ANKRD36: variants seen among roughly 807,000 people sequenced by gnomAD.
ANKRD36 encodes ankyrin repeat domain 36, also known as ankyrin repeat domain-containing protein 36A.
In ANKRD36, 179 loss-of-function variants were observed where a neutral mutation model predicts 278.1. That is an observed-to-expected ratio of 0.64 (90% confidence interval 0.57 to 0.73). ANKRD36 has a LOEUF of 0.73. Ranked by LOEUF, ANKRD36 falls within the 30% of genes least tolerant of loss-of-function variation. The probability of loss-of-function intolerance (pLI) is 0.00; values close to 1 mark genes in which losing one functional copy is unlikely to be tolerated. For synonymous variants in ANKRD36, 320 were observed against 641.1 expected, an observed-to-expected ratio of 0.50 and a Z score of 7.57; for missense variants, 1,159 against 1,956.7, an observed-to-expected ratio of 0.59 and a Z score of 7.69.
intron 34 of ANKRD36, among the ~76,000 whole-genome samples, chr2:97,190,535 T>C (rs1403154140): frequency 1.3e-5 from 2 of 150,412 alleles, no homozygotes; most frequent in Non-Finnish European, 3.0e-5. Flanking sequence ...TTCTCAGTTA[T>C]TGGGCAAGTT....
chr2:97,130,244 C>T (rs538283077), intron 6 of ANKRD36, among the ~76,000 whole-genome samples: 1 of 152,060 alleles, frequency 6.6e-6, no homozygotes, highest in South Asian at 2.1e-4. Context: ...GGCACATATA[C>T]ACCATGGGAT....
At chr2:97,199,047 A>G (rs1428613762) in intron 44 of ANKRD36, among the ~76,000 whole-genome samples, 2 of 151,928 alleles carry the variant, frequency 1.3e-5, no homozygotes, top group Admixed American at 6.6e-5. Flanking sequence ...TTGTTGTAAC[A>G]ACCCGTAGAC....
Position 97,187,108 on chromosome 2 carries a change from C to T in ANKRD36, c.2042-90C>T, listed in dbSNP as rs548642850. The T allele has an allele frequency of 9.0e-5, 142 of 1,574,058 alleles. 5 individuals are homozygous for T. In the South Asian group the frequency reaches 1.2e-3, roughly 14 times the overall value. Reference sequence around the variant, plus strand: ...CAAAGCCTACACTAATACAGGCAGGCGGATACAGCTTGATGCTAACACCGC... The same window carrying T: ...CAAAGCCTACACTAATACAGGCAGGTGGATACAGCTTGATGCTAACACCGC... On this transcript the variant is annotated intron_variant, in intron 30 of 75. Transcript: ENST00000420699.
chr2:97,217,425 A>C, intron 64 of ANKRD36, 53 bp downstream of exon 64: 1 of 1,548,090 alleles, frequency 6.5e-7, no homozygotes. Context: ...AGAAGACAAC[A>C]TCCCACCCCT....
intron 1 of ANKRD36, among the ~76,000 whole-genome samples, chr2:97,114,877 C>T (rs541686639): frequency 3.3e-5 from 5 of 151,974 alleles, no homozygotes; most frequent in African/African-American, 1.2e-4. Flanking sequence ...TTTTGAATTA[C>T]TCATGCTGTC....
Position 97,206,045 on chromosome 2 carries a change from G to A in ANKRD36, c.3091-18G>A, listed in dbSNP as rs755379178. On this transcript the variant is annotated intron_variant, in intron 51 of 75. Coordinates refer to ENST00000420699, the MANE Select transcript of ANKRD36 (RefSeq NM_001354587.1). ...ACATACTTTATTTATTTATTATTTT[G>A]TTTCAAATTCCATTCAGGCTACAAG... 4 of 1,547,136 alleles carry A rather than the reference G, an allele frequency of 2.6e-6. No homozygotes were observed. In the African/African-American group the frequency reaches 5.5e-5, roughly 21 times the overall value.
rs1219485995 is a variant in ANKRD36 at position 97,144,761 on chromosome 2, C to G, written c.1003+49C>G. On this transcript the variant is annotated intron_variant, in intron 10 of 75. Coordinates refer to ENST00000420699, the MANE Select transcript of ANKRD36 (RefSeq NM_001354587.1). ...TGCCATGTACAGTCAAGATAGAGAA[C>G]TTCCCTTCCCCAAATAAATCAGCAG... The G allele has an allele frequency of 6.5e-6, 10 of 1,532,450 alleles. No homozygotes were observed. In the East Asian group the frequency reaches 7.3e-5, roughly 11 times the overall value. The allele number at this position is 1,532,450 out of a possible 1,614,324, so 94.9% of individuals were successfully genotyped here.
intron 54 of ANKRD36, among the ~76,000 whole-genome samples, chr2:97,208,612 C>T (rs2063510813): frequency 6.8e-6 from 1 of 146,304 alleles, no homozygotes; most frequent in Admixed American, 6.8e-5. Context: ...CTACTGGAAG[C>T]AGGAAACAGT....
rs201655336 is a variant in ANKRD36, at chr2:97,113,736, G to A, written c.-4G>A. 108 of 1,609,330 alleles carry A rather than the reference G, an allele frequency of 6.7e-5. No homozygotes were observed. Among genetic ancestry groups the A allele is most frequent in the Non-Finnish European group, 8.7e-5 (103 of 1,178,218 alleles). ...CTGCAGGCTACAATTTGCAGCCGACGATTATGGAAGACGGCAAGCGGGAGA... is the reference window on the plus strand; with the variant it reads ...CTGCAGGCTACAATTTGCAGCCGACAATTATGGAAGACGGCAAGCGGGAGA... On this transcript the variant is annotated 5_prime_UTR_variant, in exon 1 of 76. Coordinates refer to ENST00000420699, the MANE Select transcript of ANKRD36 (RefSeq NM_001354587.1).
Position 97,202,416 on chromosome 2 carries a change from T to C in ANKRD36, c.2959+23T>C. 2.6e-6 allele frequency: 4 copies of C among 1,544,702 alleles called. No homozygotes were observed. The South Asian group carries it at 4.8e-5, about 18-fold the overall frequency. ...CAGGTAATTTTGAAAACAGATTTAA[T>C]GTCATGTTCAGTCCAGGTAGATAAG... On this transcript the variant is annotated intron_variant, in intron 48 of 75. Coordinates refer to ENST00000420699, the MANE Select transcript of ANKRD36 (RefSeq NM_001354587.1).
At chr2:97,247,944 GT>G (rs1372533340) in intron 72 of ANKRD36, 7 of 121,074 alleles carry the variant, frequency 5.8e-5, no homozygotes, top group African/African-American at 9.4e-5. Context: ...AGTTGAGAGA[GT>G]TTTTTTTTCC....
At chr2:97,147,054 G>GT (rs748934148) in intron 11 of ANKRD36, among the ~76,000 whole-genome samples, 5 of 151,718 alleles carry the variant, frequency 3.3e-5, no homozygotes, top group Non-Finnish European at 7.4e-5. Flanking sequence ...CCACAAGACC[G>GT]TAAGTTTTTT....
intron 20 of ANKRD36, among the ~76,000 whole-genome samples, chr2:97,166,909 G>T (rs1415536155): frequency 6.6e-6 from 1 of 151,926 alleles, no homozygotes. Flanking sequence ...AAGTTTTAGG[G>T]TACATGTGCA....
At chr2:97,169,925 T>G (rs995634527) in intron 22 of ANKRD36, among the ~76,000 whole-genome samples, 1 of 152,156 alleles carries the variant, frequency 6.6e-6, no homozygotes, top group Non-Finnish European at 1.5e-5. Context: ...AAAAAACTAC[T>G]GGAAATTTCA....
chr2:97,170,854 GA>G (rs1244652741), intron 22 of ANKRD36, among the ~76,000 whole-genome samples: 4 of 149,080 alleles, frequency 2.7e-5, no homozygotes, highest in African/African-American at 9.9e-5. Flanking sequence ...AAATTTACAA[GA>G]AAAAAACAAA....
rs1384662611 is a variant in ANKRD36, at chr2:97,224,391, C to T, written c.3878-415C>T. On this transcript the variant is annotated intron_variant, in intron 66 of 75. Transcript: ENST00000420699. ...AAATATTATACTAAAGATTAAGCTT[C>T]GTTGAAACACTTTTATTTTCTGGTT... Among the ~76,000 whole-genome samples, 8 of 151,104 alleles carry T rather than the reference C, an allele frequency of 5.3e-5. No homozygotes were observed. The East Asian group carries it at 8.0e-4, about 15-fold the overall frequency.
intron 46 of ANKRD36, 96 bp from the exon 47 acceptor site, chr2:97,202,106 G>C (rs1415363318): frequency 8.2e-6 from 13 of 1,581,376 alleles, no homozygotes; most frequent in Non-Finnish European, 1.1e-5. Flanking sequence ...GCTAATACAG[G>C]CAGGAGGACA....
chr2:97,113,537 C>T lies in ANKRD36; in HGVS notation c.-203C>T. The T allele has an allele frequency of 1.6e-6, 1 of 629,392 alleles. No homozygotes were observed. 39.0% of individuals were successfully genotyped at this position (629,392 alleles called of 1,614,324 possible). ...CTAGGGCGGTTTCTCTGCCTCGGGCCTGTTGGGCAGGGCCGGCTAAGGTGC... is the reference window on the plus strand; with the variant it reads ...CTAGGGCGGTTTCTCTGCCTCGGGCTTGTTGGGCAGGGCCGGCTAAGGTGC... On this transcript the variant is annotated 5_prime_UTR_variant, in exon 1 of 76. Transcript: ENST00000420699.
At chr2:97,153,894 GA>G (rs2046765493) in intron 14 of ANKRD36, among the ~76,000 whole-genome samples, 2 of 146,312 alleles carry the variant, frequency 1.4e-5, no homozygotes, top group South Asian at 4.2e-4. Context: ...ACTCAGGAGG[GA>G]GACTTTTCCA....
Sources: allele counts gnomAD v4.1 joint callset (sites outside exome capture counted in the v4.1 genomes callset), GRCh38; gene constraint gnomAD v4.1.1; transcripts MANE v1.5; gene names NCBI Gene and HGNC (gene_info 2026-07-23, HGNC 2026-07-21).